Variants in RBFOX2 observed in about 807,000 individuals in gnomAD.
RBFOX2 encodes RNA binding protein fox-1 homolog 2.
RBFOX2 carries 10 observed loss-of-function variants against 49.1 expected under a neutral mutation model. The ratio of observed to expected loss-of-function variants is 0.20; its 90% CI spans 0.13 to 0.35. RBFOX2 has a LOEUF of 0.35. Among genes scored for constraint, RBFOX2 ranks in the 10% least tolerant of loss-of-function variants. The pLI is 1.00. For synonymous variants in RBFOX2, 183 were observed against 187.4 expected (o/e 0.98, Z 0.19); for missense variants, 323 against 486.9 (o/e 0.66, Z 3.17).
At chr22:35,813,094 GTTAC>G (rs1251194721) in intron 1 of RBFOX2, among the ~76,000 whole-genome samples, 1 of 152,064 alleles carries the variant, frequency 6.6e-6, no homozygotes, top group Non-Finnish European at 1.5e-5. Flanking sequence ...GGATTATTTT[GTTAC>G]TTACAGAAAT....
chr22:35,972,823 AG>A (rs2056953786), intron 1 of RBFOX2, among the ~76,000 whole-genome samples: 1 of 152,192 alleles, frequency 6.6e-6, no homozygotes, highest in Admixed American at 6.5e-5. Context: ...CCTAGTGCTT[AG>A]AGACATCACA....
At chr22:35,858,753 G>A (rs1466519731) in intron 1 of RBFOX2, among the ~76,000 whole-genome samples, 1 of 151,060 alleles carries the variant, frequency 6.6e-6, no homozygotes, top group Non-Finnish European at 1.5e-5. Context: ...TTGAACCCGG[G>A]AGGCGGAGGT....
At chr22:35,790,775 A>G (rs563644102) in intron 2 of RBFOX2, among the ~76,000 whole-genome samples, 5 of 152,288 alleles carry the variant, frequency 3.3e-5, no homozygotes, top group Non-Finnish European at 7.4e-5. Flanking sequence ...GCTGGCTTTA[A>G]TTCCAGCACT....
intron 1 of RBFOX2, among the ~76,000 whole-genome samples, chr22:36,022,848 A>G (rs796199504): frequency 2.0e-5 from 3 of 152,284 alleles, no homozygotes; most frequent in African/African-American, 7.2e-5. Context: ...GCAAGAAGAC[A>G]GCTATCCACA....
intron 1 of RBFOX2, among the ~76,000 whole-genome samples, chr22:35,952,953 T>G (rs1461402485): frequency 6.6e-6 from 1 of 152,024 alleles, no homozygotes; most frequent in Non-Finnish European, 1.5e-5. Flanking sequence ...GGCTCACACC[T>G]GTAATCCCAG....
chr22:35,872,577 A>G (rs1315467948), intron 1 of RBFOX2, among the ~76,000 whole-genome samples: 1 of 152,178 alleles, frequency 6.6e-6, no homozygotes, highest in Admixed American at 6.5e-5. Flanking sequence ...TTAGCCCTAG[A>G]GTTCGGCTGC....
intron 1 of RBFOX2, among the ~76,000 whole-genome samples, chr22:36,024,595 G>A (rs2059361350): frequency 6.6e-6 from 1 of 151,898 alleles, no homozygotes; most frequent in Admixed American, 6.6e-5. Context: ...ACAAAAATTA[G>A]CGGGGTGTGG....
Position 36,028,234 on chromosome 22 carries a change from G to A in RBFOX2, c.186+6C>T, listed in dbSNP as rs749985412. 3.3e-6 allele frequency: 5 copies of A among 1,505,792 alleles called. No homozygotes were observed. Among genetic ancestry groups the A allele is most frequent in the East Asian group, 5.5e-5 (2 of 36,412 alleles). 93.3% of individuals were successfully genotyped at this position (1,505,792 alleles called of 1,614,324 possible). ...AATAACTGGGCGCCCCGTCCCGCGC[G>A]GTCACCTGCATCCCGCCGCCACCGT... is the stretch of plus-strand genomic sequence containing the variant. On this transcript the variant is annotated splice_donor_region_variant and intron_variant, in intron 1 of 13. Transcript: ENST00000438146.
At chr22:35,897,257 G>A in intron 1 of RBFOX2, 1 of 1,483,856 alleles carries the variant, frequency 6.7e-7, no homozygotes, top group Non-Finnish European at 9.4e-7. Context: ...AGTTGCTCGG[G>A]AGGCACTAAA....
In RBFOX2 at chr22:35,913,319, A is replaced by T. The variant is rs530002705; in HGVS notation, c.-34+25528T>A. On this transcript the variant is annotated intron_variant, in intron 1 of 13. Transcript: ENST00000359369. Reference sequence around the variant, plus strand: ...ATAGTGAGACTCTGTCTCTATTTTTAAAAAGTAAAAAAAGTAAGATCTGCA... The same window carrying T: ...ATAGTGAGACTCTGTCTCTATTTTTTAAAAGTAAAAAAAGTAAGATCTGCA... Among the ~76,000 whole-genome samples the T allele has an allele frequency of 8.4e-4, 128 of 152,178 alleles. 1 individual carries two copies. The highest frequency in any genetic ancestry group is 6.2e-3 in the South Asian group (30 of 4,818).
chr22:35,947,262 C>T (rs2054385357), intron 1 of RBFOX2, among the ~76,000 whole-genome samples: 1 of 152,056 alleles, frequency 6.6e-6, no homozygotes, highest in Non-Finnish European at 1.5e-5. Context: ...TGTCATGGCA[C>T]AAAACATTAC....
chr22:35,978,259 T>C (rs2057293112), intron 1 of RBFOX2, among the ~76,000 whole-genome samples: 1 of 152,204 alleles, frequency 6.6e-6, no homozygotes, highest in South Asian at 2.1e-4. Context: ...ATAAAATGCA[T>C]TGTTTTATAA....
rs1281246024 is a variant in RBFOX2, at chr22:35,754,656, A to C, written c.887+5232T>G. On this transcript the variant is annotated intron_variant, in intron 9 of 11. Transcript: ENST00000405409. ...TTAGAAATATGTAATCTGGTGTAAA[A>C]GTAGGAGATTCCCCAGTTCTCAAGC... Among the ~76,000 whole-genome samples the C allele has an allele frequency of 2.0e-5, 3 of 152,228 alleles. No individual in the cohort carries two copies. In the South Asian group the frequency reaches 6.2e-4, roughly 32 times the overall value.
chr22:35,897,514 G>T, intron 1 of RBFOX2: 1 of 817,872 alleles, frequency 1.2e-6, no homozygotes. Context: ...TAGGCAAAAG[G>T]TGGCAAGGGG....
rs955311853 is a variant in RBFOX2, at chr22:35,810,815, T to C, written c.28-811A>G. 2.6e-5 allele frequency among the ~76,000 whole-genome samples: 4 copies of C among 152,186 alleles called. No homozygotes were observed. In the East Asian group the frequency reaches 5.8e-4, roughly 22 times the overall value. On this transcript the variant is annotated intron_variant, in intron 1 of 11. Coordinates refer to ENST00000405409, the Ensembl canonical transcript of RBFOX2. ...CATGAAATCATCACCACAATCAAGA[T>C]AGTCAACACATATATCCAAAACCCC...
intron 6 of RBFOX2, 90 bp from the exon 8 acceptor site, chr22:35,761,558 G>C: frequency 7.1e-7 from 1 of 1,417,134 alleles, no homozygotes; most frequent in Non-Finnish European, 9.9e-7. Flanking sequence ...GCCATCTCTG[G>C]GGCTATTTTT....
Position 35,967,143 on chromosome 22 carries a change from T to C in RBFOX2, c.187-28246A>G, listed in dbSNP as rs117100572. 5.6e-3 allele frequency among the ~76,000 whole-genome samples: 857 copies of C among 152,308 alleles called. 35 individuals carry two copies. In the East Asian group the frequency reaches 0.12, roughly 22 times the overall value. On this transcript the variant is annotated intron_variant, in intron 1 of 13. Coordinates refer to the RBFOX2 transcript ENST00000438146. ...ATCTAGCTTTACTTTCTTAATGGCG[T>C]CTTTTAATGAACAGATAATTCCTAA...
intron 1 of RBFOX2, among the ~76,000 whole-genome samples, chr22:35,867,369 T>C (rs895815369): frequency 1.3e-5 from 2 of 152,246 alleles, no homozygotes; most frequent in African/African-American, 2.4e-5. Flanking sequence ...AGCAGTTTTA[T>C]ATTTTGATGT....
intron 9 of RBFOX2, 72 bp from the exon 11 acceptor site, chr22:35,756,216 C>T (rs567907677): frequency 5.4e-5 from 75 of 1,397,504 alleles, no homozygotes; most frequent in Middle Eastern, 1.8e-4. Context: ...TTATTGAGGA[C>T]GGCAGCATGC....
Sources: allele counts gnomAD v4.1 joint callset (sites outside exome capture counted in the v4.1 genomes callset), GRCh38; gene constraint gnomAD v4.1.1; transcripts MANE v1.5; gene names NCBI Gene and HGNC (gene_info 2026-07-23, HGNC 2026-07-21).